Variants in SDCCAG8 observed in about 807,000 individuals in gnomAD.
The protein encoded by SDCCAG8 is SHH signaling and ciliogenesis regulator SDCCAG8.
SDCCAG8 carries 74 observed loss-of-function variants against 101.8 expected under a neutral mutation model. The observed-to-expected ratio is 0.73, with a 90% CI of 0.60 to 0.88. The LOEUF is 0.88. Among genes scored for constraint, SDCCAG8 ranks in the 40% least tolerant of loss-of-function variants. The pLI, the probability that SDCCAG8 is intolerant of heterozygous loss-of-function variation, is 0.00. For missense variants in SDCCAG8, 787 were observed against 822.6 expected, an observed-to-expected ratio of 0.96 and a Z score of 0.53; for synonymous variants, 281 against 292.9, an observed-to-expected ratio of 0.96 and a Z score of 0.41.
At chr1:243,317,982 G>C in intron 9 of SDCCAG8, 1 of 454,570 alleles carries the variant, frequency 2.2e-6, no homozygotes, top group Admixed American at 2.4e-5. Flanking sequence ...TATATGCCCA[G>C]AGGAATATAA....
intron 17 of SDCCAG8, among the ~76,000 whole-genome samples, chr1:243,493,057 A>G (rs1295580603): frequency 2.0e-5 from 3 of 152,176 alleles, no homozygotes; most frequent in Non-Finnish European, 4.4e-5. Flanking sequence ...CTGAAGCACT[A>G]GCCCAGCTTT....
At chr1:243,345,331 A>G (rs1340718923) in intron 12 of SDCCAG8, among the ~76,000 whole-genome samples, 1 of 152,208 alleles carries the variant, frequency 6.6e-6, no homozygotes, top group East Asian at 1.9e-4. Flanking sequence ...CCTTAGTACT[A>G]AATTAAAATC....
At chr1:243,258,978 C>T (rs1023579251) in intron 1 of SDCCAG8, among the ~76,000 whole-genome samples, 2 of 152,216 alleles carry the variant, frequency 1.3e-5, no homozygotes, top group African/African-American at 2.4e-5. Flanking sequence ...GGTTTTTCCT[C>T]TAGCTTGTAA....
chr1:243,363,470 G>T (rs2076831706), intron 12 of SDCCAG8, among the ~76,000 whole-genome samples: 1 of 152,146 alleles, frequency 6.6e-6, no homozygotes. Flanking sequence ...ATAAACCCGT[G>T]TTGGGAAACT....
chr1:243,344,198 T>C lies in SDCCAG8; in HGVS notation c.1357-17T>C. 2 of 1,605,334 alleles carry C rather than the reference T, an allele frequency of 1.2e-6. No homozygotes were observed. Among genetic ancestry groups the C allele is most frequent in the South Asian group, 2.2e-5 (2 of 90,886 alleles). On this transcript the variant is annotated splice_polypyrimidine_tract_variant and intron_variant, in intron 11 of 17. Coordinates refer to ENST00000366541, the MANE Select transcript of SDCCAG8 (RefSeq NM_006642.5). Reference sequence around the variant, plus strand: ...AGATTCCAGCAGGTAATCATCCAGTTTTTTACAATCTAACAGGTGTGTGGA... The same window carrying C: ...AGATTCCAGCAGGTAATCATCCAGTCTTTTACAATCTAACAGGTGTGTGGA...
chr1:243,261,867 T>C lies in SDCCAG8; in HGVS notation c.67+5627T>C, dbSNP rs529801209. The stretch of plus-strand genomic sequence containing the variant: ...TGTGGCTTTTCTTTTTCTTTTTTTT[T>C]TTTTTTTAATCTCAGCTCACTGCAA... On this transcript the variant is annotated intron_variant, in intron 1 of 17. Transcript: ENST00000366541. Among the ~76,000 whole-genome samples, 114 of 151,582 alleles carry C rather than the reference T, an allele frequency of 7.5e-4. 1 individual carries two copies. In the South Asian group the frequency reaches 0.017, roughly 23 times the overall value.
intron 17 of SDCCAG8, among the ~76,000 whole-genome samples, chr1:243,493,425 T>G (rs1667059688): frequency 6.6e-6 from 1 of 152,106 alleles, no homozygotes; most frequent in African/African-American, 2.4e-5. Flanking sequence ...AAACAGAAAT[T>G]ATCTGTCCAC....
rs1452959676 is a variant in SDCCAG8 at position 243,298,343 on chromosome 1, A to G, written c.675+5124A>G. Among the ~76,000 whole-genome samples, 6 of 96,972 alleles carry G rather than the reference A, an allele frequency of 6.2e-5. No individual in the cohort carries two copies. The South Asian group carries it at 2.0e-3, about 32-fold the overall frequency. The allele number at this position is 96,972 out of a possible 152,430, so 63.6% of individuals were successfully genotyped here. ...CGGGATTACAGGCATGAGCCACCGC[A>G]CCCTGCCTTTTTTTTTTTTTTTTTT... On this transcript the variant is annotated intron_variant, in intron 6 of 17. Transcript: ENST00000366541.
chr1:243,403,058 G>A (rs532486752), intron 13 of SDCCAG8, among the ~76,000 whole-genome samples: 3 of 152,226 alleles, frequency 2.0e-5, no homozygotes, highest in African/African-American at 4.8e-5. Context: ...ACTAGATGCC[G>A]ATCTGTTAAC....
Position 243,270,177 on chromosome 1 carries a change from C to T in SDCCAG8, c.140C>T (p.Ala47Val). Residue 47 changes from alanine to valine, a missense_variant, in exon 2 of 18, where the codon GCA becomes GTA. Coordinates refer to ENST00000366541, the MANE Select transcript of SDCCAG8 (RefSeq NM_006642.5). ...KEGDVTIGED[A>V]PNLSFSTSVG... Reference sequence around the variant, plus strand: ...GGCGATGTCACTATTGGAGAAGATGCACCAAATCTTTCTTTTAGCACCAGT... The same window carrying T: ...GGCGATGTCACTATTGGAGAAGATGTACCAAATCTTTCTTTTAGCACCAGT... 4 of 1,614,200 alleles carry T rather than the reference C, an allele frequency of 2.5e-6. No individual in the cohort carries two copies. The highest frequency in any genetic ancestry group is 3.4e-6 in the Non-Finnish European group (4 of 1,180,032).
intron 7 of SDCCAG8, chr1:243,306,308 T>A (rs2072124714): frequency 6.6e-6 from 1 of 152,114 alleles, no homozygotes; most frequent in South Asian, 2.1e-4. Flanking sequence ...TTGATTTTAT[T>A]TACGACTTGA....
intron 16 of SDCCAG8, among the ~76,000 whole-genome samples, chr1:243,429,962 T>C (rs2081609869): frequency 6.6e-6 from 1 of 151,890 alleles, no homozygotes; most frequent in Non-Finnish European, 1.5e-5. Flanking sequence ...CTCGGCGTCC[T>C]CTGGGATTAC....
At chr1:243,274,141 A>G (rs1467016217) in intron 3 of SDCCAG8, among the ~76,000 whole-genome samples, 2 of 152,198 alleles carry the variant, frequency 1.3e-5, no homozygotes, top group Non-Finnish European at 2.9e-5. Flanking sequence ...GTCATGGTGG[A>G]AGGTGAAAGG....
intron 16 of SDCCAG8, among the ~76,000 whole-genome samples, chr1:243,472,062 T>C (rs1661377230): frequency 6.6e-6 from 1 of 152,182 alleles, no homozygotes; most frequent in Non-Finnish European, 1.5e-5. Context: ...GTGAGTTTCT[T>C]CTCATAGGAA....
At chr1:243,457,934 T>C (rs1658153575) in intron 16 of SDCCAG8, among the ~76,000 whole-genome samples, 1 of 152,236 alleles carries the variant, frequency 6.6e-6, no homozygotes, top group African/African-American at 2.4e-5. Flanking sequence ...TTTTCGTCTC[T>C]TTTCTAAACA....
At chr1:243,497,204 G>A (rs191560317) in intron 17 of SDCCAG8, among the ~76,000 whole-genome samples, 1 of 152,118 alleles carries the variant, frequency 6.6e-6, no homozygotes, top group African/African-American at 2.4e-5. Context: ...CTTCTGTCTC[G>A]GTCAGAGAAA....
intron 12 of SDCCAG8, among the ~76,000 whole-genome samples, chr1:243,367,749 TTAATA>T (rs1405534870): frequency 1.5e-4 from 22 of 149,090 alleles, no homozygotes; most frequent in East Asian, 3.9e-4. Flanking sequence ...ATGTATAATA[TTAATA>T]TAATATATAT....
Position 243,357,379 on chromosome 1 carries a change from A to T in SDCCAG8, c.1473+13048A>T, listed in dbSNP as rs181689490. On this transcript the variant is annotated intron_variant, in intron 12 of 17. Coordinates refer to ENST00000366541, the MANE Select transcript of SDCCAG8 (RefSeq NM_006642.5). ...GGGCAACAGAGCGAGACTCTGTCTC[A>T]AAAAACCAAGAAAAAAAAAAAGAAG... Among the ~76,000 whole-genome samples, 211 of 152,312 alleles carry T rather than the reference A, an allele frequency of 1.4e-3. 1 individual carries two copies. Among genetic ancestry groups the T allele is most frequent in the African/African-American group, 4.8e-3 (198 of 41,574 alleles).
intron 16 of SDCCAG8, among the ~76,000 whole-genome samples, chr1:243,472,132 C>T (rs1465933081): frequency 6.6e-6 from 1 of 152,160 alleles, no homozygotes; most frequent in African/African-American, 2.4e-5. Flanking sequence ...GTTGATGTTT[C>T]AGGGTCATGG....
Sources: gnomAD v4.1 joint callset for allele counts (sites outside exome capture counted in the v4.1 genomes callset) on GRCh38, gnomAD v4.1.1 for gene constraint, MANE v1.5 for transcripts, NCBI Gene and HGNC (gene_info 2026-07-23, HGNC 2026-07-21) for gene names.